OVCH1: variants seen among roughly 807,000 people sequenced by gnomAD.
The protein encoded by OVCH1 is ovochymase 1, also known as ovochymase-1.
In OVCH1, 139 loss-of-function variants were observed where a neutral mutation model predicts 138.4. The observed-to-expected ratio is 1.00, with a 90% CI of 0.87 to 1.16. The LOEUF is 1.16. Ranked by LOEUF, OVCH1 falls within the 50% of genes most tolerant of loss-of-function variation. The probability of loss-of-function intolerance (pLI) is 0.00; values close to 1 mark genes in which losing one functional copy is unlikely to be tolerated. For missense variants in OVCH1, 1,367 were observed against 1,357.9 expected, an observed-to-expected ratio of 1.01 and a Z score of -0.11; for synonymous variants, 453 against 467.8, an observed-to-expected ratio of 0.97 and a Z score of 0.41.
chr12:29,406,458 C>T, the OVCH1 span, among the ~76,000 whole-genome samples: 2 of 152,186 alleles, frequency 1.3e-5, no homozygotes, highest in Non-Finnish European at 1.5e-5. Context: ...TATCCCTCCC[C>T]TCCAACCCCA....
intron 3 of OVCH1, among the ~76,000 whole-genome samples, chr12:29,421,169 A>G (rs1032174714): frequency 7.9e-5 from 12 of 152,342 alleles, no homozygotes; most frequent in East Asian, 3.9e-4. Flanking sequence ...ACAGCTACCA[A>G]CCAACCTAGG....
intron 27 of OVCH1, among the ~76,000 whole-genome samples, chr12:29,430,301 G>A (rs1359435670): frequency 1.3e-5 from 2 of 152,230 alleles, no homozygotes; most frequent in African/African-American, 4.8e-5. Context: ...CCCCTGCCAG[G>A]AGGTGGCATT....
intron 3 of OVCH1, among the ~76,000 whole-genome samples, chr12:29,413,704 G>A (rs73276815): frequency 0.1 from 14,465 of 145,370 alleles, 738 homozygotes; most frequent in African/African-American, 0.14. Context: ...GTTTTCCCAT[G>A]CTGTTTTATT....
intron 3 of OVCH1, among the ~76,000 whole-genome samples, chr12:29,418,271 T>C (rs919922984): frequency 6.6e-6 from 1 of 152,202 alleles, no homozygotes; most frequent in Non-Finnish European, 1.5e-5. Flanking sequence ...TCAGTAACCA[T>C]TAAGCAAGAA....
intron 26 of OVCH1, among the ~76,000 whole-genome samples, chr12:29,436,440 ATTTGT>A (rs1941361320): frequency 6.6e-6 from 1 of 152,184 alleles, no homozygotes; most frequent in African/African-American, 2.4e-5. Flanking sequence ...AAATTTTCTC[ATTTGT>A]TTTAAAAAGG....
intron 25 of OVCH1, among the ~76,000 whole-genome samples, chr12:29,441,312 G>T (rs376443116): frequency 2.6e-5 from 4 of 151,966 alleles, no homozygotes. Flanking sequence ...CAGAAATAAC[G>T]CCACATATCT....
At chr12:29,462,422 T>C (rs1942170187) in intron 18 of OVCH1, among the ~76,000 whole-genome samples, 1 of 149,264 alleles carries the variant, frequency 6.7e-6, no homozygotes, top group African/African-American at 2.5e-5. Context: ...ACAAATAATA[T>C]GCTTATATGA....
chr12:29,471,441 A>T (rs1481403415), intron 16 of OVCH1, among the ~76,000 whole-genome samples: 1 of 152,194 alleles, frequency 6.6e-6, no homozygotes, highest in Non-Finnish European at 1.5e-5. Flanking sequence ...CAACAGTGGA[A>T]CTATGAGCAC....
the OVCH1 span, among the ~76,000 whole-genome samples, chr12:29,407,172 ATTTG>A: frequency 9.4e-5 from 14 of 149,082 alleles, no homozygotes; most frequent in African/African-American, 3.2e-4. Context: ...TTTCTTGTAA[ATTTG>A]TTTGAGTTCA....
chr12:29,409,326 T>C (rs1458763143), downstream of OVCH1, among the ~76,000 whole-genome samples: 1 of 152,230 alleles, frequency 6.6e-6, no homozygotes, highest in Non-Finnish European at 1.5e-5. Context: ...GCTCTATTTT[T>C]AGTTATTTCT....
intron 3 of OVCH1, among the ~76,000 whole-genome samples, chr12:29,413,779 T>C (rs1940994735): frequency 6.6e-6 from 1 of 152,232 alleles, no homozygotes; most frequent in African/African-American, 2.4e-5. Context: ...GGATCATTTA[T>C]TTCAATGATT....
At chr12:29,405,659 A>G in the OVCH1 span, among the ~76,000 whole-genome samples, 3 of 152,358 alleles carry the variant, frequency 2.0e-5, no homozygotes, top group African/African-American at 7.2e-5. Context: ...ACTATTTTGT[A>G]TGGATTCTTT....
chr12:29,441,916 A>G (rs1941495035), intron 25 of OVCH1, among the ~76,000 whole-genome samples: 1 of 152,164 alleles, frequency 6.6e-6, no homozygotes, highest in South Asian at 2.1e-4. Context: ...TCAAAACCAC[A>G]ATGAGATACC....
intron 25 of OVCH1, among the ~76,000 whole-genome samples, chr12:29,443,066 G>T (rs962193569): frequency 3.9e-5 from 6 of 151,952 alleles, no homozygotes; most frequent in Admixed American, 2.0e-4. Context: ...TAATTTTCTT[G>T]TGTTTTTGTC....
chr12:29,478,865 A>C (rs1942831319), exon 9 of OVCH1: 1 of 1,594,346 alleles, frequency 6.3e-7, no homozygotes, highest in Admixed American at 1.8e-5. Flanking sequence ...GATCGTAAAG[A>C]TACATAGTCA....
chr12:29,469,875 A>G (rs1242497085), intron 16 of OVCH1, among the ~76,000 whole-genome samples: 1 of 152,146 alleles, frequency 6.6e-6, no homozygotes, highest in Non-Finnish European at 1.5e-5. Flanking sequence ...TCTCAAAACA[A>G]GATGGGGTCA....
chr12:29,413,661 T>TACAC (rs34675791), intron 3 of OVCH1, among the ~76,000 whole-genome samples: 13,753 of 149,072 alleles, frequency 0.092, 673 homozygotes, highest in African/African-American at 0.11. Context: ...CTGTGTGTAT[T>TACAC]ACACACATAC....
chr12:29,417,934 A>G (rs1449979706), intron 3 of OVCH1, among the ~76,000 whole-genome samples: 3 of 152,326 alleles, frequency 2.0e-5, no homozygotes, highest in Middle Eastern at 3.4e-3. Flanking sequence ...GGTTTGCAGG[A>G]TGGAAGCATT....
intron 3 of OVCH1, among the ~76,000 whole-genome samples, chr12:29,422,258 G>C (rs750098423): frequency 6.6e-6 from 1 of 152,158 alleles, no homozygotes; most frequent in Non-Finnish European, 1.5e-5. Context: ...GGTCAATTTA[G>C]AGATGAAATA....
Sources: allele counts gnomAD v4.1 joint callset (sites outside exome capture counted in the v4.1 genomes callset), GRCh38; gene constraint gnomAD v4.1.1; transcripts MANE v1.5; gene names NCBI Gene and HGNC (gene_info 2026-07-23, HGNC 2026-07-21).